The following HACE1 variants were observed in gnomAD, a reference collection of about 807,000 sequenced individuals.
HACE1 encodes the protein HECT domain and ankyrin repeat containing E3 ubiquitin protein ligase 1.
HACE1 carries 73 observed loss-of-function variants against 118.4 expected under a neutral mutation model. That is an observed-to-expected ratio of 0.62 (90% CI 0.51 to 0.75). The LOEUF is 0.75. HACE1 is among the 30% of genes least tolerant of loss of function. HACE1 has a pLI of 0.00. For synonymous variants in HACE1, 368 were observed against 374.8 expected (o/e 0.98, Z 0.21); for missense variants, 749 against 1,102.2 (o/e 0.68, Z 4.54).
At chr6:104,743,384 A>G (rs1237221437) in intron 22 of HACE1, among the ~76,000 whole-genome samples, 4 of 151,954 alleles carry the variant, frequency 2.6e-5, no homozygotes, top group Admixed American at 2.6e-4. Flanking sequence ...AATATGCAGA[A>G]AAAACATAGA....
intron 6 of HACE1, among the ~76,000 whole-genome samples, chr6:104,829,818 T>A (rs533367211): frequency 6.6e-6 from 1 of 152,264 alleles, no homozygotes; most frequent in South Asian, 2.1e-4. Context: ...ATAAATCTTC[T>A]GAGAATACAA....
chr6:104,746,285 G>C (rs528189482), intron 20 of HACE1, among the ~76,000 whole-genome samples: 3 of 152,270 alleles, frequency 2.0e-5, no homozygotes, highest in African/African-American at 4.8e-5. Flanking sequence ...TGCTAGTATA[G>C]GGTGTGTTTT....
chr6:104,814,072 T>C (rs1771878232), intron 6 of HACE1, among the ~76,000 whole-genome samples: 2 of 136,416 alleles, frequency 1.5e-5, no homozygotes, highest in South Asian at 4.5e-4. Context: ...ATAGGAAAGA[T>C]GAGAAAATTT....
chr6:104,833,445 A>C (rs1171521845), intron 5 of HACE1, among the ~76,000 whole-genome samples: 1 of 152,114 alleles, frequency 6.6e-6, no homozygotes, highest in Non-Finnish European at 1.5e-5. Flanking sequence ...TCCTGGGCTC[A>C]AGTGATCCTC....
At chr6:104,831,559 TGGGTGACA>T (rs758500369) in intron 6 of HACE1, among the ~76,000 whole-genome samples, 2 of 147,782 alleles carry the variant, frequency 1.4e-5, no homozygotes, top group African/African-American at 2.5e-5. Context: ...CACTCCAGCC[TGGGTGACA>T]GAGCGAGCCT....
At chr6:104,832,721 A>G (rs1392773253) in intron 6 of HACE1, among the ~76,000 whole-genome samples, 1 of 151,912 alleles carries the variant, frequency 6.6e-6, no homozygotes, top group Non-Finnish European at 1.5e-5. Context: ...TCTTCTAACC[A>G]TACAGAATAT....
intron 1 of HACE1, among the ~76,000 whole-genome samples, chr6:104,856,627 G>A (rs1264682383): frequency 6.6e-6 from 1 of 151,970 alleles, no homozygotes; most frequent in Non-Finnish European, 1.5e-5. Flanking sequence ...GTAGAGCCGG[G>A]GGTTCACCAT....
chr6:104,847,205 G>A (rs1012601529), intron 4 of HACE1, among the ~76,000 whole-genome samples: 1 of 152,158 alleles, frequency 6.6e-6, no homozygotes, highest in Non-Finnish European at 1.5e-5. Context: ...TGACTAAGTC[G>A]CCTACTGAAA....
At chr6:104,784,841 A>G in intron 12 of HACE1, 144 bp downstream of exon 12, 1 of 653,804 alleles carries the variant, frequency 1.5e-6, no homozygotes, top group Non-Finnish European at 2.7e-6. Context: ...TCCCTACTAG[A>G]TCTAGATTAG....
intron 7 of HACE1, among the ~76,000 whole-genome samples, chr6:104,808,378 C>T (rs908748771): frequency 6.6e-6 from 1 of 152,162 alleles, no homozygotes. Context: ...GAAGCCATCA[C>T]ATTTAATCTT....
intron 20 of HACE1, among the ~76,000 whole-genome samples, chr6:104,744,917 T>G (rs1777237672): frequency 6.6e-6 from 1 of 152,200 alleles, no homozygotes. Context: ...AAAAGTTTTA[T>G]GAACATTATC....
intron 22 of HACE1, among the ~76,000 whole-genome samples, chr6:104,737,301 A>AG (rs1775977361): frequency 6.6e-6 from 1 of 151,120 alleles, no homozygotes; most frequent in Non-Finnish European, 1.5e-5. Context: ...AAAAAAAAAA[A>AG]AAAAAAGAAA....
At chr6:104,770,301 C>T (rs377308464) in intron 19 of HACE1, among the ~76,000 whole-genome samples, 108 of 152,112 alleles carry the variant, frequency 7.1e-4, no homozygotes, top group African/African-American at 2.5e-3. Context: ...CTCCAAATAC[C>T]TCATATAACA....
chr6:104,758,886 A>C (rs1779016360), intron 19 of HACE1, among the ~76,000 whole-genome samples: 1 of 151,990 alleles, frequency 6.6e-6, no homozygotes, highest in African/African-American at 2.4e-5. Context: ...AAAAAAAAAA[A>C]GCAGGGGTTG....
intron 23 of HACE1, 73 bp downstream of exon 23, chr6:104,730,230 C>G: frequency 1.2e-6 from 1 of 809,980 alleles, no homozygotes; most frequent in Admixed American, 1.8e-5. Context: ...AATGCAGCAA[C>G]AGTTAGATCT....
intron 6 of HACE1, among the ~76,000 whole-genome samples, chr6:104,814,573 G>T (rs1771926372): frequency 7.3e-6 from 1 of 137,842 alleles, no homozygotes; most frequent in African/African-American, 2.9e-5. Flanking sequence ...AACCATAATA[G>T]AAGATATGGA....
At position 104,756,379 on chromosome 6, in the gene HACE1, C is replaced by T. The variant is rs1268351990; in HGVS notation, c.2212-5907G>A. Among the ~76,000 whole-genome samples the T allele has an allele frequency of 9.5e-5, 14 of 147,350 alleles. No homozygotes were observed. The East Asian group carries it at 2.4e-3, about 25-fold the overall frequency. On this transcript the variant is annotated intron_variant, in intron 19 of 23. Transcript: ENST00000262903. The stretch of plus-strand genomic sequence containing the variant: ...GTGAGCTGAGATCACACCACTGCAC[C>T]CCAGCCTGAGTGACAGAGCCAGATT...
At chr6:104,774,711 C>A (rs943097702) in intron 17 of HACE1, among the ~76,000 whole-genome samples, 1 of 152,122 alleles carries the variant, frequency 6.6e-6, no homozygotes, top group Non-Finnish European at 1.5e-5. Context: ...AATGAGGACA[C>A]AAAGGCGCAG....
intron 18 of HACE1, among the ~76,000 whole-genome samples, 172 bp from the exon 19 acceptor site, chr6:104,771,561 CTGTG>C (rs1371797004): frequency 6.6e-6 from 1 of 152,050 alleles, no homozygotes; most frequent in Non-Finnish European, 1.5e-5. Flanking sequence ...TAAATTAATT[CTGTG>C]TTTCTTTCAC....
Sources: gnomAD v4.1 joint callset for allele counts (sites outside exome capture counted in the v4.1 genomes callset) on GRCh38, gnomAD v4.1.1 for gene constraint, MANE v1.5 for transcripts, NCBI Gene and HGNC (gene_info 2026-07-23, HGNC 2026-07-21) for gene names.